ABCB5: variants seen among roughly 807,000 people sequenced by gnomAD.
ABCB5 encodes ATP binding cassette subfamily B member 5.
A neutral mutation model predicts 144.2 loss-of-function variants in ABCB5; 155 were observed. The observed-to-expected ratio is 1.08, with a 90% CI of 0.94 to 1.23. The LOEUF is 1.23. Ranked by LOEUF, ABCB5 falls within the 50% of genes most tolerant of loss-of-function variation. The probability of loss-of-function intolerance (pLI) is 0.00; values close to 1 mark genes in which losing one functional copy is unlikely to be tolerated. For synonymous variants in ABCB5, 610 were observed against 528.6 expected (o/e 1.15, Z -2.11); for missense variants, 1,830 against 1,520.8 (o/e 1.20, Z -3.38).
intron 24 of ABCB5, among the ~76,000 whole-genome samples, chr7:20,742,611 G>A (rs1360262837): frequency 2.0e-5 from 3 of 152,206 alleles, no homozygotes; most frequent in African/African-American, 7.2e-5. Flanking sequence ...AACTGTCTGT[G>A]CAGCAAAGCT....
Position 20,747,492 on chromosome 7 carries a change from A to G in ABCB5, c.3429+2054A>G, listed in dbSNP as rs76844815. Among the ~76,000 whole-genome samples, 221 of 152,264 alleles carry G rather than the reference A, an allele frequency of 1.5e-3. 3 individuals are homozygous for G. In the East Asian group the frequency reaches 0.021, roughly 14 times the overall value. ...AGGCTGGACTCAAGCTCCTGGGCTC[A>G]AGCAATTTCACCCACCTCGGTCTCC... On this transcript the variant is annotated intron_variant, in intron 26 of 27. Coordinates refer to ENST00000404938, the MANE Select transcript of ABCB5 (RefSeq NM_001163941.2).
At chr7:20,683,273 A>G (rs546484390) in intron 15 of ABCB5, among the ~76,000 whole-genome samples, 195 of 152,254 alleles carry the variant, frequency 1.3e-3, no homozygotes, top group Admixed American at 2.4e-3. Flanking sequence ...TAATTGAAAA[A>G]CTGTCTGATT....
intron 20 of ABCB5, among the ~76,000 whole-genome samples, chr7:20,714,477 C>G (rs1423520144): frequency 1.3e-5 from 2 of 152,048 alleles, no homozygotes; most frequent in Non-Finnish European, 2.9e-5. Context: ...AGACCACATT[C>G]CGTTTTCCTT....
At position 20,647,927 on chromosome 7, in the gene ABCB5, A is replaced by G. The variant is rs376086845; in HGVS notation, c.1096-41A>G. On this transcript the variant is annotated intron_variant, in intron 10 of 27. Coordinates refer to ENST00000404938, the MANE Select transcript of ABCB5 (RefSeq NM_001163941.2). ...TTTAAAATGTAGAGACTGTCAGTTT[A>G]CTCCTTTGAAGATTTATAACATTTC... 6.2e-6 allele frequency: 8 copies of G among 1,297,716 alleles called. No homozygotes were observed. In the African/African-American group the frequency reaches 1.2e-4, roughly 19 times the overall value. The allele number at this position is 1,297,716 out of a possible 1,614,324, so 80.4% of individuals were successfully genotyped here. A position where few individuals can be genotyped will look rare whatever the true frequency, so the allele number is the denominator to read the frequency against.
intron 14 of ABCB5, chr7:20,660,156 T>G (rs1429912247): frequency 1.0e-6 from 1 of 980,132 alleles, no homozygotes; most frequent in Admixed American, 6.2e-5. Flanking sequence ...ATAAATGTTA[T>G]TCTTATTGGT....
At position 20,756,820 on chromosome 7, in the gene ABCB5, T is replaced by C. The variant is rs1363415855; in HGVS notation, c.*1196T>C. ...AAATGAGTTACATTTTCAACTTACT[T>C]AAATATGTAATGTCACCTGGTGATT... On this transcript the variant is annotated 3_prime_UTR_variant, in exon 28 of 28. Transcript: ENST00000404938. 5 of 152,354 alleles carry C rather than the reference T, an allele frequency of 3.3e-5. No homozygotes were observed. The highest frequency in any genetic ancestry group is 1.2e-4 in the African/African-American group (5 of 41,452). The allele number at this position is 152,354 out of a possible 1,614,324, so 9.4% of individuals were successfully genotyped here.
intron 20 of ABCB5, among the ~76,000 whole-genome samples, chr7:20,715,908 C>T (rs1473897442): frequency 6.6e-6 from 1 of 151,834 alleles, no homozygotes; most frequent in Non-Finnish European, 1.5e-5. Flanking sequence ...TTAGTAGAGA[C>T]GGGCTTTCAC....
intron 24 of ABCB5, among the ~76,000 whole-genome samples, chr7:20,742,239 T>C (rs1007640429): frequency 2.6e-5 from 4 of 152,124 alleles, no homozygotes; most frequent in Admixed American, 2.6e-4. Flanking sequence ...CTGGGTGTGG[T>C]GGCGCACGCT....
chr7:20,618,778 T>TTTC (rs1388408931), intron 1 of ABCB5, among the ~76,000 whole-genome samples: 12 of 132,414 alleles, frequency 9.1e-5, no homozygotes, highest in Non-Finnish European at 1.8e-4. Context: ...TTTTTTTTTT[T>TTTC]TTTTTTTTTT....
chr7:20,641,181 G>T (rs935246413), intron 5 of ABCB5, among the ~76,000 whole-genome samples: 3 of 152,054 alleles, frequency 2.0e-5, no homozygotes, highest in African/African-American at 7.2e-5. Context: ...TGCAAATCTT[G>T]TCTTTGTCCC....
chr7:20,628,586 T>C, intron 3 of ABCB5, 102 bp from the exon 4 acceptor site: 3 of 1,205,282 alleles, frequency 2.5e-6, no homozygotes, highest in Non-Finnish European at 3.5e-6. Context: ...AAAGTCATGT[T>C]TACTAGGTGG....
intron 16 of ABCB5, among the ~76,000 whole-genome samples, chr7:20,690,398 G>A (rs542238889): frequency 1.3e-5 from 2 of 152,308 alleles, no homozygotes; most frequent in South Asian, 4.1e-4. Flanking sequence ...TGTTTCAATG[G>A]AATTGGCTTT....
At chr7:20,708,320 T>C (rs1786890790) in intron 20 of ABCB5, among the ~76,000 whole-genome samples, 1 of 152,130 alleles carries the variant, frequency 6.6e-6, no homozygotes, top group Non-Finnish European at 1.5e-5. Context: ...TATTTGATAA[T>C]AGTGGTTAAG....
At chr7:20,702,814 G>A (rs960335310) in intron 19 of ABCB5, among the ~76,000 whole-genome samples, 30 of 146,688 alleles carry the variant, frequency 2.0e-4, no homozygotes, top group African/African-American at 6.5e-4. Flanking sequence ...GGCGCCCACC[G>A]CCACGCCTGG....
At chr7:20,675,808 T>A (rs1785581488) in intron 14 of ABCB5, among the ~76,000 whole-genome samples, 1 of 151,668 alleles carries the variant, frequency 6.6e-6, no homozygotes, top group Non-Finnish European at 1.5e-5. Context: ...TATAACTCAA[T>A]AGTAAAAAAC....
At chr7:20,638,588 T>C (rs1176120333) in intron 5 of ABCB5, among the ~76,000 whole-genome samples, 1 of 152,228 alleles carries the variant, frequency 6.6e-6, no homozygotes, top group Admixed American at 6.5e-5. Context: ...ACTGACATTG[T>C]ATATGCATGG....
rs923925641 is a variant in ABCB5 at position 20,737,478 on chromosome 7, C to G, written c.2868-1505C>G. ...TATTTCCATTTTCAGAGGGACCTAA[C>G]AAGGATGTCTGCCTCTAGACATTTA... On this transcript the variant is annotated intron_variant, in intron 23 of 27. Transcript: ENST00000404938. 3.9e-5 allele frequency among the ~76,000 whole-genome samples: 6 copies of G among 152,314 alleles called. No homozygotes were observed. The East Asian group carries it at 1.2e-3, about 29-fold the overall frequency.
At chr7:20,691,330 C>T (rs1786221636) in intron 16 of ABCB5, among the ~76,000 whole-genome samples, 1 of 151,240 alleles carries the variant, frequency 6.6e-6, no homozygotes, top group African/African-American at 2.4e-5. Flanking sequence ...TGAAGGAGGC[C>T]AAAGTAGCCA....
intron 15 of ABCB5, 74 bp downstream of exon 15, chr7:20,681,740 A>C: frequency 6.6e-7 from 1 of 1,513,744 alleles, no homozygotes. Flanking sequence ...TAGAAAACAA[A>C]AGTTGCAAAT....
Sources: allele counts gnomAD v4.1 joint callset (sites outside exome capture counted in the v4.1 genomes callset), GRCh38; gene constraint gnomAD v4.1.1; transcripts MANE v1.5; gene names NCBI Gene and HGNC (gene_info 2026-07-23, HGNC 2026-07-21).